Variants in JARID2 observed in about 807,000 individuals in gnomAD.
JARID2 encodes protein Jumonji.
JARID2 carries 21 observed loss-of-function variants against 125.6 expected under a neutral mutation model. The observed-to-expected ratio is 0.17, with a 90% CI of 0.12 to 0.24. The LOEUF (loss-of-function observed/expected upper bound fraction) is 0.24, where lower values mean the gene tolerates loss of function less well. Among genes scored for constraint, JARID2 ranks in the 10% least tolerant of loss-of-function variants. The pLI is 1.00. For synonymous variants in JARID2, 736 were observed against 661.6 expected, an observed-to-expected ratio of 1.11 and a Z score of -1.73; for missense variants, 1,303 against 1,639.6, an observed-to-expected ratio of 0.79 and a Z score of 3.55.
intron 5 of JARID2, among the ~76,000 whole-genome samples, chr6:15,479,100 G>T (rs1462367444): frequency 6.6e-6 from 1 of 152,162 alleles, no homozygotes; most frequent in Non-Finnish European, 1.5e-5. Context: ...GATAAAGCAC[G>T]AGAGCCTTGC....
At chr6:15,284,567 A>G (rs550723636) in intron 1 of JARID2, among the ~76,000 whole-genome samples, 138 of 150,276 alleles carry the variant, frequency 9.2e-4, no homozygotes, top group Non-Finnish European at 9.0e-4. Context: ...CTGGAGTGTA[A>G]TGGCGCGATT....
chr6:15,496,906 A>C lies in JARID2; in HGVS notation c.1681A>C (p.Arg561=). 6.2e-7 allele frequency: 1 copy of C among 1,601,550 alleles called. No individual in the cohort carries two copies. Among genetic ancestry groups the C allele is most frequent in the Non-Finnish European group, 8.5e-7 (1 of 1,171,690 alleles). ...WAAMDEIPVL[R]PSAKEFHDPL... ...GGCCATGGACGAGATCCCCGTCCTC[A>C]GGCCCTCCGCCAAGGAGTTCCACGA... The change falls in exon 7 of 18, where the codon AGG becomes CGG. Residue 561 remains arginine, a synonymous_variant. Transcript: ENST00000341776.
chr6:15,366,686 A>T (rs1385285579), intron 1 of JARID2, among the ~76,000 whole-genome samples: 1 of 152,010 alleles, frequency 6.6e-6, no homozygotes, highest in Non-Finnish European at 1.5e-5. Flanking sequence ...TCTGCATTTC[A>T]GTTGGTTTTA....
At chr6:15,451,946 G>C (rs75112609) in intron 3 of JARID2, 60 bp from the exon 4 acceptor site, 3 of 1,512,520 alleles carry the variant, frequency 2.0e-6, no homozygotes, top group Non-Finnish European at 2.7e-6. Flanking sequence ...ATTGCCGCAC[G>C]TAGGCCTATA....
At chr6:15,278,926 G>A (rs34340185) in intron 1 of JARID2, among the ~76,000 whole-genome samples, 3,255 of 152,126 alleles carry the variant, frequency 0.021, 68 homozygotes, top group Non-Finnish European at 0.027. Context: ...AAAATTAGCT[G>A]GGTGTGGTGG....
At chr6:15,509,282 C>A in intron 12 of JARID2, 1 of 985,172 alleles carries the variant, frequency 1.0e-6, no homozygotes, top group South Asian at 4.7e-5. Flanking sequence ...TGATCGTTTA[C>A]CGGCATGCTG....
intron 3 of JARID2, among the ~76,000 whole-genome samples, chr6:15,416,110 C>T (rs1475235802): frequency 6.6e-5 from 10 of 151,672 alleles, no homozygotes; most frequent in Admixed American, 3.3e-4. Context: ...CAGAGACTCT[C>T]CTCACTTCCT....
intron 2 of JARID2, among the ~76,000 whole-genome samples, chr6:15,403,321 G>A (rs1190216677): frequency 2.0e-5 from 3 of 152,170 alleles, no homozygotes; most frequent in African/African-American, 4.8e-5. Flanking sequence ...CTTTCAGTGA[G>A]CAGTGTTTTC....
intron 1 of JARID2, among the ~76,000 whole-genome samples, chr6:15,293,198 TC>T (rs1761289734): frequency 6.6e-6 from 1 of 152,168 alleles, no homozygotes; most frequent in Non-Finnish European, 1.5e-5. Flanking sequence ...GACCTCTACT[TC>T]CAATAATAGG....
intron 7 of JARID2, among the ~76,000 whole-genome samples, chr6:15,500,166 C>G (rs1770663814): frequency 6.6e-6 from 1 of 152,122 alleles, no homozygotes; most frequent in African/African-American, 2.4e-5. Context: ...TAAAACCTGC[C>G]CAGGTTTGAT....
At chr6:15,272,309 GT>G (rs1255370375) in intron 1 of JARID2, among the ~76,000 whole-genome samples, 8 of 152,192 alleles carry the variant, frequency 5.3e-5, no homozygotes. Context: ...CCTGCATAGT[GT>G]TATCATGTAC....
At chr6:15,462,730 T>C (rs1768511257) in intron 4 of JARID2, among the ~76,000 whole-genome samples, 1 of 152,194 alleles carries the variant, frequency 6.6e-6, no homozygotes, top group Non-Finnish European at 1.5e-5. Flanking sequence ...CTAGGGTCTT[T>C]CCAAAATACA....
intron 2 of JARID2, among the ~76,000 whole-genome samples, chr6:15,375,967 A>C (rs1764338504): frequency 6.6e-6 from 1 of 152,224 alleles, no homozygotes; most frequent in Non-Finnish European, 1.5e-5. Flanking sequence ...GGATTTAATA[A>C]AGGTAGAATT....
chr6:15,478,885 G>A (rs1263377356), intron 5 of JARID2, among the ~76,000 whole-genome samples: 1 of 152,106 alleles, frequency 6.6e-6, no homozygotes, highest in Non-Finnish European at 1.5e-5. Flanking sequence ...TGGCCAGGAT[G>A]CTCTCCCGAG....
At chr6:15,337,852 G>T (rs1020909595) in intron 1 of JARID2, among the ~76,000 whole-genome samples, 21 of 152,180 alleles carry the variant, frequency 1.4e-4, no homozygotes, top group African/African-American at 5.1e-4. Flanking sequence ...GATACAAACA[G>T]CCTCTAAAAT....
At position 15,511,525 on chromosome 6, in the gene JARID2, C is replaced by T. The variant is rs1391458539; in HGVS notation, c.2952+124C>T. ...CACAGCAAAACAAATCCCCAGGGTGCAAAGGGAAAGGTCCTCTGACACAAA... is the reference window on the plus strand; with the variant it reads ...CACAGCAAAACAAATCCCCAGGGTGTAAAGGGAAAGGTCCTCTGACACAAA... On this transcript the variant is annotated intron_variant, in intron 13 of 17. Transcript: ENST00000341776. The T allele has an allele frequency of 5.8e-6, 4 of 688,032 alleles. No homozygotes were observed. In the African/African-American group the frequency reaches 7.0e-5, roughly 12 times the overall value. The allele number at this position is 688,032 out of a possible 1,614,324, so 42.6% of individuals were successfully genotyped here.
chr6:15,367,373 A>G (rs558491470), intron 1 of JARID2, among the ~76,000 whole-genome samples: 3 of 152,340 alleles, frequency 2.0e-5, no homozygotes, highest in African/African-American at 7.2e-5. Context: ...TGGTTTGCCA[A>G]TTGTAGGCTA....
intron 1 of JARID2, among the ~76,000 whole-genome samples, chr6:15,334,474 A>AT (rs1762814807): frequency 1.3e-5 from 2 of 152,170 alleles, no homozygotes; most frequent in African/African-American, 4.8e-5. Flanking sequence ...TTTTCCATTC[A>AT]TTCCCTGCCA....
At chr6:15,430,348 T>C (rs190922655) in intron 3 of JARID2, among the ~76,000 whole-genome samples, 20 of 152,352 alleles carry the variant, frequency 1.3e-4, no homozygotes, top group Admixed American at 1.0e-3. Flanking sequence ...ACCTCAATGT[T>C]AATTCATTTC....
Sources: allele counts gnomAD v4.1 joint callset (sites outside exome capture counted in the v4.1 genomes callset), GRCh38; gene constraint gnomAD v4.1.1; transcripts MANE v1.5; gene names NCBI Gene and HGNC (gene_info 2026-07-23, HGNC 2026-07-21).